The following PCDHGA2 variants were observed in gnomAD, a reference collection of about 807,000 sequenced individuals.
PCDHGA2 encodes protocadherin gamma-A2.
A neutral mutation model predicts 59.2 loss-of-function variants in PCDHGA2; 40 were observed. That is an observed-to-expected ratio of 0.68 (90% CI 0.52 to 0.88). The LOEUF (loss-of-function observed/expected upper bound fraction) is 0.88. Among genes scored for constraint, PCDHGA2 ranks in the 40% least tolerant of loss-of-function variants. The probability of loss-of-function intolerance (pLI) is 0.00; values close to 1 mark genes in which losing one functional copy is unlikely to be tolerated. For synonymous variants in PCDHGA2, 560 were observed against 526.0 expected (o/e 1.06, Z -0.89); for missense variants, 1,226 against 1,204.0 (o/e 1.02, Z -0.27).
At chr5:141,408,714 A>G (rs771519650) in intron 1 of PCDHGA2, 8 of 1,612,346 alleles carry the variant, frequency 5.0e-6, no homozygotes, top group Non-Finnish European at 6.8e-6. Context: ...AAAGATTATA[A>G]GATAAACTCT....
At chr5:141,394,769 C>A in intron 1 of PCDHGA2, 1 of 1,613,514 alleles carries the variant, frequency 6.2e-7, no homozygotes, top group African/African-American at 1.3e-5. Context: ...ATGGCCAGCC[C>A]CCTCTCTCCG....
At chr5:141,474,722 C>G (rs1562046141) in intron 1 of PCDHGA2, among the ~76,000 whole-genome samples, 1 of 152,216 alleles carries the variant, frequency 6.6e-6, no homozygotes, top group Non-Finnish European at 1.5e-5. Flanking sequence ...TTCAAAAGGA[C>G]TCTATGCAAT....
Position 141,477,931 on chromosome 5 carries a change from G to T in PCDHGA2, c.2425-16876G>T. 6.2e-7 allele frequency: 1 copy of T among 1,614,138 alleles called. No homozygotes were observed. Among genetic ancestry groups the T allele is most frequent in the Non-Finnish European group, 8.5e-7 (1 of 1,180,040 alleles). ...ACGCGGATGCAGGGCACAATGCCTG[G>T]CTCTCCTACAGTCTCTTGGGATCCC... On this transcript the variant is annotated intron_variant, in intron 1 of 3. Coordinates refer to ENST00000394576, the MANE Select transcript of PCDHGA2 (RefSeq NM_018915.4). This position sits in a 1 kb window ranked among gnomAD's most constrained non-coding sequence, Gnocchi z 4.9.
At chr5:141,414,762 T>G in intron 1 of PCDHGA2, 1 of 1,614,210 alleles carries the variant, frequency 6.2e-7, no homozygotes. Context: ...ATGAGCAGTT[T>G]CATGAGCTAC....
intron 1 of PCDHGA2, chr5:141,375,406 T>A: frequency 6.2e-7 from 1 of 1,613,968 alleles, no homozygotes; most frequent in Admixed American, 1.7e-5. Flanking sequence ...TCTCTCTAAA[T>A]GTGGCAGACA....
chr5:141,435,519 T>C (rs2097768121), intron 1 of PCDHGA2, among the ~76,000 whole-genome samples: 2 of 152,192 alleles, frequency 1.3e-5, no homozygotes, highest in South Asian at 4.1e-4. Context: ...ATGATGACTT[T>C]GTGGAATATT....
At chr5:141,492,244 C>T (rs1334647731) in intron 1 of PCDHGA2, among the ~76,000 whole-genome samples, 1 of 152,198 alleles carries the variant, frequency 6.6e-6, no homozygotes, top group Admixed American at 6.5e-5. Flanking sequence ...TGGCCACCCC[C>T]ACGGCCCACA....
rs747588958 is a variant in PCDHGA2 at position 141,370,424 on chromosome 5, A to C, written c.2424+29029A>C. 5 of 1,587,984 alleles carry C rather than the reference A, an allele frequency of 3.1e-6. No individual in the cohort carries two copies. The South Asian group carries it at 4.6e-5, about 15-fold the overall frequency. The stretch of plus-strand genomic sequence containing the variant: ...GAAATAGCTCCGGATGGAGGGGCCC[A>C]GCAGGGCAGAGGCGAATGCTATTTC... On this transcript the variant is annotated intron_variant, in intron 1 of 3. Transcript: ENST00000394576.
At chr5:141,378,535 T>G (rs1235721694) in intron 1 of PCDHGA2, 6 of 152,092 alleles carry the variant, frequency 3.9e-5, no homozygotes, top group Admixed American at 3.9e-4. Flanking sequence ...AAAATAATAA[T>G]GATAATTAAT....
intron 1 of PCDHGA2, chr5:141,383,390 C>A: frequency 6.2e-7 from 1 of 1,614,006 alleles, no homozygotes; most frequent in South Asian, 1.1e-5. Flanking sequence ...GATGTGGGCA[C>A]GAACTCCCTC....
chr5:141,454,142 C>T (rs2098782408), intron 1 of PCDHGA2, among the ~76,000 whole-genome samples: 1 of 152,222 alleles, frequency 6.6e-6, no homozygotes, highest in Non-Finnish European at 1.5e-5. Context: ...GGAATGTTCA[C>T]ACTGCTACTT....
chr5:141,470,490 A>C (rs1193023083), intron 1 of PCDHGA2, among the ~76,000 whole-genome samples: 1 of 152,202 alleles, frequency 6.6e-6, no homozygotes, highest in African/African-American at 2.4e-5. Context: ...TCTGGGAATA[A>C]TATTAGGTAA....
chr5:141,365,585 A>G (rs749384821), intron 1 of PCDHGA2: 2 of 1,613,578 alleles, frequency 1.2e-6, no homozygotes, highest in Non-Finnish European at 1.7e-6. Context: ...TTCAGATTAT[A>G]ATATCACTTT....
chr5:141,477,175 A>T lies in PCDHGA2; in HGVS notation c.2425-17632A>T, dbSNP rs1338347224. On this transcript the variant is annotated intron_variant, in intron 1 of 3. Transcript: ENST00000394576. This position sits in a 1 kb window ranked among gnomAD's most constrained non-coding sequence, Gnocchi z 4.9. ...TGAATGACAACGCCCCGGAGATCAC[A>T]GTCACCTCCGTGTACAGCCCAGTAC... is the stretch of plus-strand genomic sequence containing the variant. The T allele has an allele frequency of 1.2e-6, 2 of 1,614,186 alleles. No individual in the cohort carries two copies. The highest frequency in any genetic ancestry group is 3.3e-5 in the Admixed American group (2 of 60,028).
chr5:141,388,408 G>A (rs2091351933), intron 1 of PCDHGA2: 1 of 1,613,848 alleles, frequency 6.2e-7, no homozygotes, highest in African/African-American at 1.3e-5. Context: ...CTCAGTCCCA[G>A]TGATCATTTC....
At chr5:141,348,765 T>C (rs1006453584) in intron 1 of PCDHGA2, among the ~76,000 whole-genome samples, 1 of 152,214 alleles carries the variant, frequency 6.6e-6, no homozygotes, top group Admixed American at 6.5e-5. Flanking sequence ...TATAAAGGCA[T>C]GATGCAAGGA....
intron 1 of PCDHGA2, chr5:141,403,621 C>T: frequency 6.2e-7 from 1 of 1,613,926 alleles, no homozygotes; most frequent in Non-Finnish European, 8.5e-7. Flanking sequence ...CGCGTCGCTC[C>T]AGCACAGTGC....
chr5:141,419,447 C>T (rs754931078), intron 1 of PCDHGA2: 8 of 1,613,016 alleles, frequency 5.0e-6, no homozygotes, highest in Non-Finnish European at 4.2e-6. Flanking sequence ...CACCTTCGAG[C>T]TCACGCTGCA....
At chr5:141,383,287 G>T (rs753501762) in intron 1 of PCDHGA2, 3 of 1,613,916 alleles carry the variant, frequency 1.9e-6, no homozygotes, top group Non-Finnish European at 1.7e-6. Flanking sequence ...TAATGACAAC[G>T]TTCCAAGATT....
Sources: gnomAD v4.1 joint callset for allele counts (sites outside exome capture counted in the v4.1 genomes callset) on GRCh38, gnomAD v4.1.1 for gene constraint, Gnocchi (gnomAD v3.1) non-coding constraint, MANE v1.5 for transcripts, NCBI Gene and HGNC (gene_info 2026-07-23, HGNC 2026-07-21) for gene names.